Variants in PLEKHA7 observed in about 807,000 individuals in gnomAD.
The protein encoded by PLEKHA7 is pleckstrin homology domain-containing family A member 7.
In PLEKHA7, 104 loss-of-function variants were observed where a neutral mutation model predicts 170.0. The ratio of observed to expected loss-of-function variants is 0.61; its 90% CI spans 0.52 to 0.72. The LOEUF (loss-of-function observed/expected upper bound fraction) is 0.72. Among genes scored for constraint, PLEKHA7 ranks in the 30% least tolerant of loss-of-function variants. The pLI is 0.00. For synonymous variants in PLEKHA7, 648 were observed against 660.8 expected, an observed-to-expected ratio of 0.98 and a Z score of 0.30; for missense variants, 1,615 against 1,671.7, an observed-to-expected ratio of 0.97 and a Z score of 0.59.
Position 16,855,870 on chromosome 11 carries a change from G to T in PLEKHA7, c.350C>A (p.Ser117Tyr). The T allele has an allele frequency of 6.2e-7, 1 of 1,614,212 alleles. No individual in the cohort carries two copies. Among genetic ancestry groups the T allele is most frequent in the Non-Finnish European group, 8.5e-7 (1 of 1,180,038 alleles). ...CGTGGATGTTTCACTGACCATGCTG[G>T]ACGGTCTTTGGTTTCTGTCTTGCTT... ...MSKQDRNQRP[S>Y]SMVSETSTAG... Residue 117 changes from serine to tyrosine, a missense_variant, in exon 5 of 27, where the codon TCC (serine) becomes TAC (tyrosine). Physicochemically the swap from Ser to Tyr is moderately radical, Grantham distance 144 (BLOSUM62 -2). Transcript: ENST00000531066.
intron 10 of PLEKHA7, among the ~76,000 whole-genome samples, chr11:16,825,656 A>G (rs1850576669): frequency 6.6e-6 from 1 of 152,280 alleles, no homozygotes; most frequent in African/African-American, 2.4e-5. Flanking sequence ...ATAAAGCCCA[A>G]TGTCAACAGT....
At chr11:16,949,867 G>T (rs1049642266) in intron 3 of PLEKHA7, among the ~76,000 whole-genome samples, 12 of 152,058 alleles carry the variant, frequency 7.9e-5, no homozygotes, top group African/African-American at 2.9e-4. Flanking sequence ...ACAGATGGAG[G>T]GGAGGGGAGA....
chr11:16,789,040 CTG>C lies in PLEKHA7; in HGVS notation c.3357+54_3357+55del, dbSNP rs1316738593. The C allele has an allele frequency of 6.4e-7, 1 of 1,560,646 alleles. No individual in the cohort carries two copies. The highest frequency in any genetic ancestry group is 1.8e-5 in the Admixed American group (1 of 54,664). Reference sequence around the variant, plus strand: ...GTGATGTGCTTGTGTTTGGGGGACTCTGAGGGGCACTCGGCTCCCTGTCCCTG... The same window carrying C: ...GTGATGTGCTTGTGTTTGGGGGACTCAGGGGCACTCGGCTCCCTGTCCCTG... On this transcript the variant is annotated intron_variant, in intron 23 of 26. Coordinates refer to ENST00000531066, the MANE Select transcript of PLEKHA7 (RefSeq NM_001329630.2). This position sits in a 1 kb window ranked among gnomAD's most constrained non-coding sequence, Gnocchi z 4.6.
chr11:16,906,256 AAGGAAGGAAGGAAGGAAGGAAGG>A (rs1448241243), intron 3 of PLEKHA7, among the ~76,000 whole-genome samples: 10 of 111,638 alleles, frequency 9.0e-5, no homozygotes, highest in Non-Finnish European at 1.8e-4. Context: ...GGAAGGAAGG[AAGGAAGGAAGGAAGGAAGGAAGG>A]AAAGAAAGAA....
At chr11:16,935,516 T>C (rs1011202376) in intron 3 of PLEKHA7, among the ~76,000 whole-genome samples, 5 of 152,164 alleles carry the variant, frequency 3.3e-5, no homozygotes, top group Non-Finnish European at 7.3e-5. Context: ...CTTTTAAAGG[T>C]AGAAACATGC....
rs751232145 is a variant in PLEKHA7 at position 16,794,712 on chromosome 11, T to C, written c.2521A>G (p.Arg841Gly). The change falls in exon 19 of 27, where the codon AGA becomes GGA. Residue 841 changes from arginine (R) to glycine (G), a missense_variant and splice_region_variant. Physicochemically the swap from Arg to Gly is moderately radical, Grantham distance 125. Transcript: ENST00000531066. Reference protein sequence around the residue: ...ILVESVKNPERKTVPLFPHPP... With the variant: ...ILVESVKNPEGKTVPLFPHPP... ...TGAGGAAACAAAGGCACCGTTTTTC[T>C]CTCTAAGGGGCATAGAAGGAAACAA... 3.7e-6 allele frequency: 6 copies of C among 1,613,674 alleles called. No homozygotes were observed. Among genetic ancestry groups the C allele is most frequent in the Non-Finnish European group, 1.7e-6 (2 of 1,179,830 alleles).
In PLEKHA7 at chr11:16,882,321, G is replaced by A. The variant is rs1855772594; in HGVS notation, c.222-11139C>T. Among the ~76,000 whole-genome samples, 3 of 152,148 alleles carry A rather than the reference G, an allele frequency of 2.0e-5. No homozygotes were observed. The South Asian group carries it at 6.2e-4, about 32-fold the overall frequency. On this transcript the variant is annotated intron_variant, in intron 3 of 26. Coordinates refer to ENST00000531066, the MANE Select transcript of PLEKHA7 (RefSeq NM_001329630.2). ...GAATGTTCCATAAATCTTTAAATGT[G>A]GAGATGATTTACTGTTAAACCAAAG... is the stretch of plus-strand genomic sequence containing the variant.
intron 3 of PLEKHA7, among the ~76,000 whole-genome samples, chr11:16,945,665 A>G (rs1316170168): frequency 6.6e-6 from 1 of 152,246 alleles, no homozygotes; most frequent in African/African-American, 2.4e-5. Flanking sequence ...ACTTTGATCC[A>G]GGAATATCTG....
intron 13 of PLEKHA7, chr11:16,803,566 A>G (rs1848749125): frequency 2.3e-6 from 1 of 440,970 alleles, no homozygotes; most frequent in East Asian, 4.1e-5. Context: ...AGGATCATCA[A>G]TTTTAAAAGT....
In PLEKHA7 at chr11:17,014,344, A is replaced by T; in HGVS notation, c.58T>A (p.Cys20Ser). Residue 20 changes from cysteine (C) to serine (S), a missense_variant, in exon 1 of 27, where the codon TGC (cysteine) becomes AGC (serine). Transcript: ENST00000531066. ...TLPEHWSYGV[C>S]RDGRVFFIND... ...ATGAAGAAGACGCGGCCATCCCGGC[A>T]CACCCCGTAGGACCAATGCTCAGGT... The T allele has an allele frequency of 1.4e-6, 2 of 1,442,234 alleles. No individual in the cohort carries two copies. The highest frequency in any genetic ancestry group is 1.8e-6 in the Non-Finnish European group (2 of 1,092,292). 89.3% of individuals were successfully genotyped at this position (1,442,234 alleles called of 1,614,324 possible).
intron 3 of PLEKHA7, among the ~76,000 whole-genome samples, chr11:16,966,801 A>G (rs1862402363): frequency 6.6e-6 from 1 of 151,418 alleles, no homozygotes; most frequent in Non-Finnish European, 1.5e-5. Flanking sequence ...AGTCAGCCCC[A>G]CCCCTGCTCT....
At chr11:16,988,140 C>T (rs896005836) in intron 3 of PLEKHA7, among the ~76,000 whole-genome samples, 1 of 152,224 alleles carries the variant, frequency 6.6e-6, no homozygotes, top group African/African-American at 2.4e-5. Flanking sequence ...AATGTCTTGC[C>T]CCAGGTCAGG....
intron 4 of PLEKHA7, among the ~76,000 whole-genome samples, chr11:16,866,461 G>A (rs1477825497): frequency 2.0e-5 from 3 of 152,098 alleles, no homozygotes; most frequent in Non-Finnish European, 4.4e-5. Context: ...GTGTGGTGGC[G>A]GGCACCTGTA....
intron 3 of PLEKHA7, among the ~76,000 whole-genome samples, chr11:16,989,636 G>T (rs891646593): frequency 6.6e-6 from 1 of 152,156 alleles, no homozygotes. Flanking sequence ...CCCCACACTG[G>T]ACTGTGAATT....
At chr11:17,010,292 G>A (rs373855031) in intron 3 of PLEKHA7, among the ~76,000 whole-genome samples, 6 of 152,168 alleles carry the variant, frequency 3.9e-5, no homozygotes, top group African/African-American at 1.4e-4. Context: ...GGGGGTGGCC[G>A]AGGCATGAGA....
rs1491361977 is a variant in PLEKHA7 at position 16,822,501 on chromosome 11, GGA to G, written c.1343+3617_1343+3618del. 2.3e-3 allele frequency among the ~76,000 whole-genome samples: 287 copies of G among 126,338 alleles called. 3 individuals are homozygous for G. The highest frequency in any genetic ancestry group is 9.1e-3 in the African/African-American group (269 of 29,504). The allele number at this position is 126,338 out of a possible 152,430, so 82.9% of individuals were successfully genotyped here. On this transcript the variant is annotated intron_variant, in intron 10 of 26. Coordinates refer to ENST00000531066, the MANE Select transcript of PLEKHA7 (RefSeq NM_001329630.2). ...ATCTCAAGTGTCTGCTTTTGGTAGG[GGA>G]AAAAAAAAAAAAAAAAAAAAAAAGG... is the stretch of plus-strand genomic sequence containing the variant.
Position 16,817,424 on chromosome 11 carries a change from G to T in PLEKHA7, c.1344-102C>A. ...CCCACAAAGCTGGGCATGTGGGACA[G>T]TCCTGTAAGAACCTCAAAAGAATGA... On this transcript the variant is annotated intron_variant, in intron 10 of 26. Transcript: ENST00000531066. The surrounding 1 kb of genome is among the most constrained non-coding windows in gnomAD (Gnocchi z 4.4). 1 of 1,202,378 alleles carries T rather than the reference G, an allele frequency of 8.3e-7. No individual in the cohort carries two copies. Among genetic ancestry groups the T allele is most frequent in the Non-Finnish European group, 1.1e-6 (1 of 878,104 alleles). 74.5% of individuals were successfully genotyped at this position (1,202,378 alleles called of 1,614,324 possible).
At position 16,837,882 on chromosome 11, in the gene PLEKHA7, C is replaced by T. The variant is rs1851640427; in HGVS notation, c.872+3665G>A. Among the ~76,000 whole-genome samples, 3 of 152,230 alleles carry T rather than the reference C, an allele frequency of 2.0e-5. No homozygotes were observed. In the South Asian group the frequency reaches 6.3e-4, roughly 32 times the overall value. ...GGGAGGAAGAACAGGAAGCCCTACT[C>T]TCCTGTAGTTGAGCTCCAGGCCCAA... On this transcript the variant is annotated intron_variant, in intron 9 of 26. Coordinates refer to ENST00000531066, the MANE Select transcript of PLEKHA7 (RefSeq NM_001329630.2).
At chr11:16,877,583 T>C (rs1855400002) in intron 3 of PLEKHA7, among the ~76,000 whole-genome samples, 1 of 152,228 alleles carries the variant, frequency 6.6e-6, no homozygotes, top group African/African-American at 2.4e-5. Flanking sequence ...CTTTCAAGCT[T>C]GCACTATTTT....
Sources: gnomAD v4.1 joint callset for allele counts (sites outside exome capture counted in the v4.1 genomes callset) on GRCh38, gnomAD v4.1.1 for gene constraint, Gnocchi (gnomAD v3.1) non-coding constraint, MANE v1.5 for transcripts, NCBI Gene and HGNC (gene_info 2026-07-23, HGNC 2026-07-21) for gene names.